MYH7B: variants seen among roughly 807,000 people sequenced by gnomAD.
The protein encoded by MYH7B is myosin heavy chain 7B.
MYH7B carries 205 observed loss-of-function variants against 234.5 expected under a neutral mutation model. The ratio of observed to expected loss-of-function variants is 0.87; its 90% CI spans 0.78 to 0.98. MYH7B has a LOEUF of 0.98. MYH7B is among the 50% of genes least tolerant of loss of function. The pLI is 0.00. For synonymous variants in MYH7B, 1,193 were observed against 1,105.0 expected, an observed-to-expected ratio of 1.08 and a Z score of -1.58; for missense variants, 2,652 against 2,633.4, an observed-to-expected ratio of 1.01 and a Z score of -0.15.
chr20:34,989,464 T>C (rs991814448), intron 19 of MYH7B, among the ~76,000 whole-genome samples: 13 of 152,218 alleles, frequency 8.5e-5, no homozygotes. Flanking sequence ...TGAGAGTGGG[T>C]ACAGAGATGC....
At position 34,996,338 on chromosome 20, in the gene MYH7B, T is replaced by C. The variant is rs532922966; in HGVS notation, c.2944-8T>C. The C allele has an allele frequency of 2.2e-4, 351 of 1,575,750 alleles. No individual in the cohort carries two copies. The highest frequency in any genetic ancestry group is 2.9e-4 in the Non-Finnish European group (333 of 1,161,192). ...GGCGTCCCCATTCTGGCCCTGGCCCTGGCACAGGTGAAGAACCTGACGGAA... is the reference window on the plus strand; with the variant it reads ...GGCGTCCCCATTCTGGCCCTGGCCCCGGCACAGGTGAAGAACCTGACGGAA... On this transcript the variant is annotated splice_region_variant and splice_polypyrimidine_tract_variant and intron_variant, in intron 28 of 44. Coordinates refer to ENST00000262873, the Ensembl canonical transcript of MYH7B.
At chr20:34,976,617 G>T (rs1417298906) in intron 3 of MYH7B, among the ~76,000 whole-genome samples, 3 of 152,174 alleles carry the variant, frequency 2.0e-5, no homozygotes, top group Non-Finnish European at 4.4e-5. Flanking sequence ...TCAATGTGGG[G>T]ATCTGAAGGG....
intron 24 of MYH7B, among the ~76,000 whole-genome samples, chr20:34,991,693 C>T (rs2082154013): frequency 6.6e-6 from 1 of 152,172 alleles, no homozygotes; most frequent in African/African-American, 2.4e-5. Context: ...AGCACCTGGG[C>T]AGTGCTGCCA....
At chr20:34,966,589 A>G (rs1039635979) in intron 2 of MYH7B, among the ~76,000 whole-genome samples, 3 of 152,206 alleles carry the variant, frequency 2.0e-5, no homozygotes, top group Non-Finnish European at 4.4e-5. Flanking sequence ...ATGAAGTCGT[A>G]TAGAACTTAA....
chr20:34,961,348 T>C (rs374811289), intron 2 of MYH7B, among the ~76,000 whole-genome samples: 2 of 152,084 alleles, frequency 1.3e-5, no homozygotes, highest in African/African-American at 4.8e-5. Flanking sequence ...ACAGAACAAA[T>C]ACCTGTGTAC....
At chr20:34,958,772 T>A (rs1569023658) in intron 2 of MYH7B, among the ~76,000 whole-genome samples, 1 of 152,208 alleles carries the variant, frequency 6.6e-6, no homozygotes, top group Non-Finnish European at 1.5e-5. Context: ...CCTTGTATTT[T>A]CTTCATAGCA....
intron 18 of MYH7B, 69 bp from the exon 19 acceptor site, chr20:34,988,023 T>C: frequency 1.3e-6 from 2 of 1,575,808 alleles, no homozygotes; most frequent in South Asian, 1.2e-5. Context: ...GGTGAACTCA[T>C]GCCCCTCCCC....
At chr20:34,959,165 T>C (rs1481836824) in intron 2 of MYH7B, among the ~76,000 whole-genome samples, 2 of 152,232 alleles carry the variant, frequency 1.3e-5, no homozygotes, top group African/African-American at 2.4e-5. Flanking sequence ...TCCATTAGTA[T>C]AAAATTTTGC....
At position 34,994,414 on chromosome 20, in the gene MYH7B, T is replaced by A. The variant is rs2082214419; in HGVS notation, c.2700+13T>A. 13 of 1,559,176 alleles carry A rather than the reference T, an allele frequency of 8.3e-6. No homozygotes were observed. Among genetic ancestry groups the A allele is most frequent in the Non-Finnish European group, 1.1e-5 (13 of 1,153,424 alleles). The stretch of plus-strand genomic sequence containing the variant: ...GCAGCTGCAGGCTGTGAGTCAGGGT[T>A]CCCCTTGTGACCGGGCGTCCCCAGC... On this transcript the variant is annotated intron_variant, in intron 27 of 44. Coordinates refer to ENST00000262873, the Ensembl canonical transcript of MYH7B.
rs1231518415 is a variant in MYH7B, at chr20:34,997,342, TGGA to T, written c.3454_3456del (p.Glu1152del). ...CAGCGTGCAGAGGCGGCGCGGGAGC[TGGA>T]GGAGCTGAGCGAGCGGCTGGAGGAG... On this transcript the variant is annotated inframe_deletion, in exon 32 of 45. Transcript: ENST00000262873. The T allele has an allele frequency of 3.9e-6, 6 of 1,541,762 alleles. No individual in the cohort carries two copies. The East Asian group carries it at 1.5e-4, about 38-fold the overall frequency.
At chr20:34,966,166 G>A (rs1434179826) in intron 2 of MYH7B, among the ~76,000 whole-genome samples, 1 of 152,214 alleles carries the variant, frequency 6.6e-6, no homozygotes, top group East Asian at 1.9e-4. Context: ...CAGATGGGTT[G>A]GAGGGTGGGT....
chr20:34,986,058 G>C, intron 13 of MYH7B, 42 bp from the exon 14 acceptor site: 1 of 1,510,452 alleles, frequency 6.6e-7, no homozygotes, highest in Non-Finnish European at 9.0e-7. Flanking sequence ...GTCCACTCTG[G>C]GGAGGTGTGG....
At chr20:34,977,237 G>A (rs1459845387) in intron 3 of MYH7B, among the ~76,000 whole-genome samples, 1 of 152,036 alleles carries the variant, frequency 6.6e-6, no homozygotes, top group African/African-American at 2.4e-5. Context: ...AGTTTCCCTG[G>A]ATGTATCAAG....
In MYH7B at chr20:35,000,517, G is replaced by T. The variant is rs948284048; in HGVS notation, c.5006G>T (p.Arg1669Leu). The change falls in exon 39 of 45, where the codon CGG (arginine) becomes CTG (leucine). Residue 1669 changes from arginine (R) to leucine (L), a missense_variant. By Grantham distance (102) the Arg-to-Leu change is moderately radical. Coordinates refer to ENST00000262873, the Ensembl canonical transcript of MYH7B. ...CAGGCAGGGCGGGACGAGGAGCAGC[G>T]GCTGGCAGCTGAGCTCCACGAGCAG... 7 of 1,595,166 alleles carry T rather than the reference G, an allele frequency of 4.4e-6. No homozygotes were observed. The highest frequency in any genetic ancestry group is 4.0e-5 in the African/African-American group (3 of 74,720).
In MYH7B at chr20:34,987,545, G is replaced by C. The variant is rs202050884; in HGVS notation, c.1148-12G>C. The C allele has an allele frequency of 7.8e-7, 1 of 1,288,548 alleles. No individual in the cohort carries two copies. The highest frequency in any genetic ancestry group is 3.4e-5 in the African/African-American group (1 of 29,814). 79.8% of individuals were successfully genotyped at this position (1,288,548 alleles called of 1,614,324 possible). A position where few individuals can be genotyped will look rare whatever the true frequency, so the allele number is the denominator to read the frequency against. On this transcript the variant is annotated splice_polypyrimidine_tract_variant and intron_variant, in intron 16 of 44. Coordinates refer to ENST00000262873, the Ensembl canonical transcript of MYH7B. The stretch of plus-strand genomic sequence containing the variant: ...GGTGTCCTCCTCCCTTACCCCACTC[G>C]TGCCCTGCCAGGTGCTGACAAGGCT...
chr20:34,997,506 G>T lies in MYH7B; in HGVS notation c.3613G>T (p.Glu1205Ter). 1 of 1,587,164 alleles carries T rather than the reference G, an allele frequency of 6.3e-7. No homozygotes were observed. ...GGCGGCACTGCGGCGCAAGCAGGCG[G>T]AGGGCGCGGCGGAGCTGGGGGAGCA... Residue 1205 changes from glutamate to a stop codon, truncating the protein, a stop_gained, in exon 32 of 45, where the codon GAG becomes TAG. Coordinates refer to ENST00000262873, the Ensembl canonical transcript of MYH7B. LOFTEE classifies it high-confidence loss of function.
At chr20:34,988,404 G>A in intron 19 of MYH7B, 142 bp downstream of exon 19, 2 of 949,118 alleles carry the variant, frequency 2.1e-6, no homozygotes, top group South Asian at 1.7e-5. Flanking sequence ...ATGCATGTGA[G>A]TGTAGTTGTG....
intron 27 of MYH7B, 117 bp from the exon 28 acceptor site, chr20:34,995,219 C>G: frequency 1.0e-6 from 1 of 953,164 alleles, no homozygotes; most frequent in South Asian, 1.6e-5. Context: ...CCTGAGTTCT[C>G]AGAGCACAGC....
rs780732513 is a variant in MYH7B at position 34,998,641 on chromosome 20, C to T, written c.3993+12C>T. 2.5e-6 allele frequency: 4 copies of T among 1,612,936 alleles called. No homozygotes were observed. The South Asian group carries it at 4.4e-5, about 18-fold the overall frequency. ...AGGAGGAAAGCAAGGTGGGCTGGCA[C>T]CGGTGACCATGGAGTGGGCAGGTGG... On this transcript the variant is annotated intron_variant, in intron 34 of 44. Transcript: ENST00000262873.
Sources: gnomAD v4.1 joint callset for allele counts (sites outside exome capture counted in the v4.1 genomes callset) on GRCh38, gnomAD v4.1.1 for gene constraint, MANE v1.5 for transcripts, NCBI Gene and HGNC (gene_info 2026-07-23, HGNC 2026-07-21) for gene names.